AGMO: variants seen among roughly 807,000 people sequenced by gnomAD.
AGMO encodes alkylglycerol monooxygenase.
Under a neutral mutation model 60.2 loss-of-function variants are expected in AGMO, and 75 were observed. The ratio of observed to expected loss-of-function variants is 1.25; its 90% CI spans 1.03 to 1.51. The LOEUF is 1.51. Among genes scored for constraint, AGMO ranks in the 40% most tolerant of loss-of-function variants. The pLI, the probability that AGMO is intolerant of heterozygous loss-of-function variation, is 0.00. For synonymous variants in AGMO, 261 were observed against 177.1 expected, an observed-to-expected ratio of 1.47 and a Z score of -3.76; for missense variants, 763 against 525.5, an observed-to-expected ratio of 1.45 and a Z score of -4.42.
intron 3 of AGMO, among the ~76,000 whole-genome samples, chr7:15,479,406 T>A (rs7801090): frequency 0.18 from 26,960 of 152,090 alleles, 2,858 homozygotes; most frequent in African/African-American, 0.29. Flanking sequence ...AAAATAAGTT[T>A]CTGAAGGATT....
At chr7:15,122,281 T>C in the AGMO span, among the ~76,000 whole-genome samples, 16 of 152,086 alleles carry the variant, frequency 1.1e-4, no homozygotes, top group African/African-American at 3.9e-4. Context: ...TAATCTACTT[T>C]GTTCATGCCT....
intron 12 of AGMO, among the ~76,000 whole-genome samples, chr7:15,262,509 G>C (rs912513868): frequency 6.6e-6 from 1 of 151,858 alleles, no homozygotes; most frequent in Non-Finnish European, 1.5e-5. Flanking sequence ...CTCACGGGTA[G>C]AATCAATATT....
chr7:15,384,831 T>C (rs1238467670), intron 10 of AGMO, among the ~76,000 whole-genome samples: 92 of 150,794 alleles, frequency 6.1e-4, no homozygotes, highest in Non-Finnish European at 1.1e-3. Flanking sequence ...TTTTTTTTTT[T>C]TTTGCAATTT....
chr7:15,458,952 C>T (rs989100880), intron 3 of AGMO, among the ~76,000 whole-genome samples: 3 of 152,048 alleles, frequency 2.0e-5, no homozygotes, highest in African/African-American at 7.2e-5. Flanking sequence ...TTGAAGCATA[C>T]AAAATTACCT....
chr7:15,359,353 T>C (rs1364038421), intron 12 of AGMO, among the ~76,000 whole-genome samples: 2 of 152,014 alleles, frequency 1.3e-5, no homozygotes, highest in Non-Finnish European at 2.9e-5. Context: ...TAATTTTTGC[T>C]CATAAATTGA....
chr7:15,224,162 A>C (rs1782005319), intron 12 of AGMO, among the ~76,000 whole-genome samples: 1 of 151,926 alleles, frequency 6.6e-6, no homozygotes, highest in African/African-American at 2.4e-5. Flanking sequence ...GAGTTCTGGA[A>C]TCAGATTATG....
chr7:15,298,329 T>G (rs1463327202), intron 12 of AGMO, among the ~76,000 whole-genome samples: 2 of 152,116 alleles, frequency 1.3e-5, no homozygotes, highest in South Asian at 4.1e-4. Flanking sequence ...ACTTCAATCA[T>G]TCAACCAATG....
chr7:15,307,485 C>G (rs1199043256), intron 12 of AGMO, among the ~76,000 whole-genome samples: 4 of 151,644 alleles, frequency 2.6e-5, no homozygotes, highest in African/African-American at 4.8e-5. Context: ...TGTTTTAAAA[C>G]TAGTAAGGAT....
chr7:15,381,748 A>G (rs1260134756), intron 10 of AGMO, among the ~76,000 whole-genome samples: 1 of 152,194 alleles, frequency 6.6e-6, no homozygotes, highest in Non-Finnish European at 1.5e-5. Flanking sequence ...ACTATTCACA[A>G]TATCAAAGAC....
intron 3 of AGMO, among the ~76,000 whole-genome samples, chr7:15,442,967 C>T (rs879772373): frequency 1.3e-5 from 2 of 152,152 alleles, no homozygotes; most frequent in African/African-American, 4.8e-5. Context: ...TGGAGTTTGG[C>T]TAGGGAGGTC....
chr7:15,365,355 G>A (rs1218381676), intron 12 of AGMO, among the ~76,000 whole-genome samples, 159 bp downstream of exon 12: 1 of 80,084 alleles, frequency 1.2e-5, no homozygotes, highest in African/African-American at 5.8e-5. Context: ...TAGCTCAGAT[G>A]ACACAACTAA....
chr7:15,230,576 A>C (rs376125393), intron 12 of AGMO, among the ~76,000 whole-genome samples: 4 of 152,288 alleles, frequency 2.6e-5, no homozygotes, highest in African/African-American at 7.2e-5. Context: ...CTGTTGGGTC[A>C]TGCTCTTTGA....
At chr7:15,306,276 A>T (rs1303032863) in intron 12 of AGMO, 1 of 246,160 alleles carries the variant, frequency 4.1e-6, no homozygotes, top group African/African-American at 2.4e-5. Context: ...CATACTAATA[A>T]ATGGAAAGGG....
At chr7:15,457,553 T>C (rs960935598) in intron 3 of AGMO, among the ~76,000 whole-genome samples, 1 of 152,182 alleles carries the variant, frequency 6.6e-6, no homozygotes, top group Non-Finnish European at 1.5e-5. Flanking sequence ...GATGGTTTAT[T>C]TTAAATGTAT....
At chr7:15,310,766 GA>G (rs1206708533) in intron 12 of AGMO, among the ~76,000 whole-genome samples, 3 of 152,162 alleles carry the variant, frequency 2.0e-5, no homozygotes, top group African/African-American at 7.2e-5. Flanking sequence ...CTGGAGGTCA[GA>G]AGTCTGAAAT....
At chr7:15,427,822 G>C (rs959507311) in intron 4 of AGMO, among the ~76,000 whole-genome samples, 5 of 152,082 alleles carry the variant, frequency 3.3e-5, no homozygotes, top group African/African-American at 1.2e-4. Flanking sequence ...CACTTAAAAT[G>C]GCACTCTATC....
chr7:15,367,315 A>G (rs1006736582), intron 10 of AGMO, among the ~76,000 whole-genome samples: 2 of 151,976 alleles, frequency 1.3e-5, no homozygotes, highest in African/African-American at 4.8e-5. Context: ...TATAAAATTA[A>G]TATGCATTTA....
chr7:15,354,072 C>T (rs1782357563), intron 12 of AGMO, among the ~76,000 whole-genome samples: 1 of 151,730 alleles, frequency 6.6e-6, no homozygotes, highest in African/African-American at 2.4e-5. Flanking sequence ...AATTTTACTT[C>T]CAAGTATTTT....
chr7:15,549,064 C>G (rs1583676973), intron 2 of AGMO, among the ~76,000 whole-genome samples: 3 of 150,606 alleles, frequency 2.0e-5, no homozygotes, highest in East Asian at 1.9e-4. Context: ...TCCAGCCAAA[C>G]TAAGCTTCAT....
Sources: allele counts gnomAD v4.1 joint callset (sites outside exome capture counted in the v4.1 genomes callset), GRCh38; gene constraint gnomAD v4.1.1; transcripts MANE v1.5; gene names NCBI Gene and HGNC (gene_info 2026-07-23, HGNC 2026-07-21).